Variants in RAD52 observed in about 807,000 individuals in gnomAD.
RAD52 encodes the protein RAD52 DNA repair protein, also known as DNA repair protein RAD52 homolog.
Under a neutral mutation model 55.5 loss-of-function variants are expected in RAD52, and 47 were observed. That is an observed-to-expected ratio of 0.85 (90% CI 0.67 to 1.08). The LOEUF is 1.08. RAD52 is among the 50% of genes least tolerant of loss of function. The probability of loss-of-function intolerance (pLI) is 0.00; values close to 1 mark genes in which losing one functional copy is unlikely to be tolerated. For synonymous variants in RAD52, 184 were observed against 198.9 expected, an observed-to-expected ratio of 0.92 and a Z score of 0.63; for missense variants, 468 against 522.8, an observed-to-expected ratio of 0.90 and a Z score of 1.02.
At chr12:918,846 T>A (rs376848782) in intron 7 of RAD52, among the ~76,000 whole-genome samples, 22 of 152,250 alleles carry the variant, frequency 1.4e-4, no homozygotes, top group East Asian at 1.4e-3. Context: ...TGTGTTTGGT[T>A]GGAAAATTCA....
chr12:962,311 T>C (rs941188880), intron 1 of RAD52, among the ~76,000 whole-genome samples: 1 of 150,894 alleles, frequency 6.6e-6, no homozygotes, highest in Non-Finnish European at 1.5e-5. Context: ...AATGAGGAGT[T>C]AGAGGTGGCC....
At position 913,344 on chromosome 12, in the gene RAD52, C is replaced by T; in HGVS notation, c.*47G>A. The stretch of plus-strand genomic sequence containing the variant: ...AATTTCATGACCAAAAAGTAGTTTT[C>T]CAAAGTCCCTTTGTGACAGAGTCCA... On this transcript the variant is annotated 3_prime_UTR_variant, in exon 12 of 12. Transcript: ENST00000358495. 6.9e-7 allele frequency: 1 copy of T among 1,439,454 alleles called. No homozygotes were observed. The highest frequency in any genetic ancestry group is 9.6e-7 in the Non-Finnish European group (1 of 1,042,836). The allele number at this position is 1,439,454 out of a possible 1,614,324, so 89.2% of individuals were successfully genotyped here. A position where few individuals can be genotyped will look rare whatever the true frequency, so the allele number is the denominator to read the frequency against.
intron 1 of RAD52, among the ~76,000 whole-genome samples, chr12:972,110 C>G (rs1306093349): frequency 2.6e-5 from 4 of 152,084 alleles, no homozygotes. Flanking sequence ...TGAGGCAACG[C>G]TAACATGCAA....
rs141522289 is a variant in RAD52 at position 965,417 on chromosome 12, C to T, written c.-19+24392G>A. Reference sequence around the variant, plus strand: ...ATGCTGTACTCAGAACCTCTTGATGCGTACAGGTTCATCTATTTGCTTCTG... The same window carrying T: ...ATGCTGTACTCAGAACCTCTTGATGTGTACAGGTTCATCTATTTGCTTCTG... On this transcript the variant is annotated intron_variant, in intron 1 of 11. Coordinates refer to the RAD52 transcript ENST00000430095. 7.0e-3 allele frequency among the ~76,000 whole-genome samples: 1,069 copies of T among 152,140 alleles called. 10 individuals are homozygous for T. The highest frequency in any genetic ancestry group is 8.3e-3 in the Non-Finnish European group (567 of 68,030).
chr12:953,505 G>A (rs916571823), upstream of RAD52, among the ~76,000 whole-genome samples: 2 of 152,058 alleles, frequency 1.3e-5, no homozygotes, highest in African/African-American at 4.8e-5. Context: ...GTATGTCTAC[G>A]ACCCAGTGAT....
chr12:914,626 C>T (rs1450246269), intron 9 of RAD52, 94 bp from the exon 10 acceptor site: 20 of 1,461,576 alleles, frequency 1.4e-5, no homozygotes, highest in East Asian at 4.7e-5. Context: ...TTAGAGGGAA[C>T]ACTCTCCGAA....
chr12:943,366 G>C (rs745625907), intron 1 of RAD52, among the ~76,000 whole-genome samples: 1 of 152,142 alleles, frequency 6.6e-6, no homozygotes, highest in African/African-American at 2.4e-5. Flanking sequence ...TTTTTGAGAC[G>C]AAGTCTTGTT....
At chr12:986,421 G>C (rs1959086817) in intron 1 of RAD52, among the ~76,000 whole-genome samples, 1 of 151,894 alleles carries the variant, frequency 6.6e-6, no homozygotes, top group Non-Finnish European at 1.5e-5. Context: ...CTGGAGAGTG[G>C]TACCATTATA....
intron 1 of RAD52, among the ~76,000 whole-genome samples, chr12:964,534 C>T (rs1958731445): frequency 6.6e-6 from 1 of 152,010 alleles, no homozygotes; most frequent in African/African-American, 2.4e-5. Context: ...TGCCACTGCG[C>T]TCCATCTCAA....
intron 1 of RAD52, among the ~76,000 whole-genome samples, chr12:980,711 C>T (rs1959003221): frequency 1.3e-5 from 2 of 152,050 alleles, no homozygotes; most frequent in African/African-American, 4.8e-5. Context: ...AGGCCTCCTG[C>T]CTCAGCCTCT....
At chr12:964,133 G>T (rs1423765253) in intron 1 of RAD52, among the ~76,000 whole-genome samples, 1 of 152,264 alleles carries the variant, frequency 6.6e-6, no homozygotes, top group South Asian at 2.1e-4. Context: ...GCATTTAGGC[G>T]ATGTGACTTT....
At chr12:985,718 T>C (rs1030681011) in intron 1 of RAD52, among the ~76,000 whole-genome samples, 3 of 152,144 alleles carry the variant, frequency 2.0e-5, no homozygotes, top group African/African-American at 7.2e-5. Flanking sequence ...GTCTTGCTCA[T>C]TGCAACCTCC....
At chr12:967,527 C>T (rs771470645) in intron 1 of RAD52, among the ~76,000 whole-genome samples, 11 of 151,902 alleles carry the variant, frequency 7.2e-5, no homozygotes, top group Admixed American at 2.6e-4. Context: ...CTGGATTTTA[C>T]GGTTATTGTG....
At chr12:927,839 C>G (rs1957123441) in intron 5 of RAD52, among the ~76,000 whole-genome samples, 1 of 151,860 alleles carries the variant, frequency 6.6e-6, no homozygotes, top group African/African-American at 2.4e-5. Context: ...GCACTCCAGC[C>G]TGGGTGATAG....
At chr12:988,100 A>C (rs1398186420) in intron 1 of RAD52, among the ~76,000 whole-genome samples, 1 of 152,102 alleles carries the variant, frequency 6.6e-6, no homozygotes, top group Non-Finnish European at 1.5e-5. Context: ...AGCCTCCTGA[A>C]TAGCTAGGAA....
intron 7 of RAD52, among the ~76,000 whole-genome samples, chr12:919,565 C>G (rs944117970): frequency 1.3e-5 from 2 of 151,878 alleles, no homozygotes. Flanking sequence ...GCCTGGCCAA[C>G]ACAGCAAAAC....
At chr12:961,804 A>T (rs749223825) in intron 1 of RAD52, among the ~76,000 whole-genome samples, 2 of 152,216 alleles carry the variant, frequency 1.3e-5, no homozygotes, top group Non-Finnish European at 2.9e-5. Context: ...CAGAGGTTGC[A>T]GTAAGCCAAG....
intron 6 of RAD52, chr12:926,680 A>C: frequency 1.8e-6 from 2 of 1,136,884 alleles, no homozygotes. Flanking sequence ...CAGAATCATA[A>C]GCCAATCAAA....
chr12:978,097 C>T (rs1592494738), intron 1 of RAD52, among the ~76,000 whole-genome samples: 1 of 152,230 alleles, frequency 6.6e-6, no homozygotes, highest in African/African-American at 2.4e-5. Flanking sequence ...TACTGAGATA[C>T]AGTTTTCCAT....
Sources: allele counts gnomAD v4.1 joint callset (sites outside exome capture counted in the v4.1 genomes callset), GRCh38; gene constraint gnomAD v4.1.1; transcripts MANE v1.5; gene names NCBI Gene and HGNC (gene_info 2026-07-23, HGNC 2026-07-21).